The following CORO2A variants were observed in gnomAD, a reference collection of about 807,000 sequenced individuals.
CORO2A encodes coronin 2A.
CORO2A carries 47 observed loss-of-function variants against 62.4 expected under a neutral mutation model. That is an observed-to-expected ratio of 0.75 (90% CI 0.60 to 0.96). CORO2A has a LOEUF of 0.96. CORO2A is among the 40% of genes least tolerant of loss of function. The probability of loss-of-function intolerance (pLI) is 0.00; values close to 1 mark genes in which losing one functional copy is unlikely to be tolerated. For missense variants in CORO2A, 610 were observed against 684.1 expected (o/e 0.89, Z 1.21); for synonymous variants, 273 against 268.9 (o/e 1.02, Z -0.15).
intron 4 of CORO2A, among the ~76,000 whole-genome samples, chr9:98,133,653 A>G (rs1026338321): frequency 6.6e-6 from 1 of 152,214 alleles, no homozygotes; most frequent in Non-Finnish European, 1.5e-5. Flanking sequence ...GTATAGAACA[A>G]CCAGCACAAA....
chr9:98,167,103 C>CAAA (rs35581733), intron 1 of CORO2A, among the ~76,000 whole-genome samples: 11,423 of 98,560 alleles, frequency 0.12, 689 homozygotes, highest in East Asian at 0.33. Context: ...GATCCTGTCT[C>CAAA]AAAAAAAAAA....
At chr9:98,180,699 C>A (rs982428081) in intron 1 of CORO2A, among the ~76,000 whole-genome samples, 2 of 152,132 alleles carry the variant, frequency 1.3e-5, no homozygotes, top group African/African-American at 4.8e-5. Context: ...CTGACCGCAC[C>A]CTCCCCACCT....
At chr9:98,147,984 T>C (rs978699580) in intron 2 of CORO2A, among the ~76,000 whole-genome samples, 1 of 151,922 alleles carries the variant, frequency 6.6e-6, no homozygotes, top group African/African-American at 2.4e-5. Flanking sequence ...TGGTGGCTCA[T>C]GCCTGTAATC....
At chr9:98,147,693 C>T (rs1340532651) in intron 2 of CORO2A, among the ~76,000 whole-genome samples, 1 of 152,136 alleles carries the variant, frequency 6.6e-6, no homozygotes, top group Non-Finnish European at 1.5e-5. Flanking sequence ...TTTACTTACA[C>T]TAAAAATTTG....
Position 98,157,566 on chromosome 9 carries a change from G to A in CORO2A, c.95C>T (p.Thr32Ile), listed in dbSNP as rs1357953017. The change falls in exon 2 of 12, where the codon ACC becomes ATC. Residue 32 changes from threonine to isoleucine, a missense_variant. Coordinates refer to ENST00000375077, the MANE Select transcript of CORO2A (RefSeq NM_052820.4). Reference protein sequence around the residue: ...KENCYDSVPITRSVHDNHFCA... With the variant: ...KENCYDSVPIIRSVHDNHFCA... The stretch of plus-strand genomic sequence containing the variant: ...GAAGTGGTTGTCGTGAACGCTGCGG[G>A]TGATAGGCACGGAGTCGTAGCAGTT... 2 of 1,614,206 alleles carry A rather than the reference G, an allele frequency of 1.2e-6. No homozygotes were observed. Among genetic ancestry groups the A allele is most frequent in the Non-Finnish European group, 8.5e-7 (1 of 1,180,038 alleles).
intron 2 of CORO2A, among the ~76,000 whole-genome samples, chr9:98,145,522 G>T (rs1007812221): frequency 3.3e-5 from 5 of 152,174 alleles, no homozygotes; most frequent in African/African-American, 1.2e-4. Flanking sequence ...AGGGCAATTT[G>T]TATGGAGGGA....
chr9:98,176,503 C>T (rs1828110627), intron 1 of CORO2A, among the ~76,000 whole-genome samples: 2 of 152,206 alleles, frequency 1.3e-5, no homozygotes, highest in African/African-American at 4.8e-5. Context: ...CCTACCTGTT[C>T]CTGGAGCCCC....
chr9:98,152,321 G>A (rs1014881053), intron 2 of CORO2A, among the ~76,000 whole-genome samples: 3 of 151,876 alleles, frequency 2.0e-5, no homozygotes, highest in Non-Finnish European at 4.4e-5. Context: ...ACAGGGTGTC[G>A]CTTTGTCACC....
intron 2 of CORO2A, among the ~76,000 whole-genome samples, chr9:98,146,217 C>A (rs376884560): frequency 6.6e-6 from 1 of 152,188 alleles, no homozygotes; most frequent in African/African-American, 2.4e-5. Flanking sequence ...AGTCCACCTT[C>A]TTCACCCCCT....
chr9:98,130,512 TC>T (rs1346123376), intron 7 of CORO2A, among the ~76,000 whole-genome samples: 1 of 152,188 alleles, frequency 6.6e-6, no homozygotes, highest in African/African-American at 2.4e-5. Flanking sequence ...GCAGCAAAAG[TC>T]AGAACTGGGG....
intron 2 of CORO2A, among the ~76,000 whole-genome samples, chr9:98,156,649 C>T (rs893670539): frequency 2.6e-5 from 4 of 152,280 alleles, no homozygotes; most frequent in East Asian, 3.9e-4. Context: ...TTCTAATCTG[C>T]GTGATCTTTT....
At chr9:98,132,391 C>CCAGGTGGAGCGGTGGCATAA in intron 5 of CORO2A, 90 bp from the exon 6 acceptor site, 1 of 1,034,482 alleles carries the variant, frequency 9.7e-7, no homozygotes, top group Non-Finnish European at 1.5e-6. Context: ...CTTATGCCAC[C>CCAGGTGGAGCGGTGGCATAA]GCTCCACCTG....
chr9:98,126,092 G>C (rs13288246), intron 11 of CORO2A, among the ~76,000 whole-genome samples: 1 of 145,552 alleles, frequency 6.9e-6, no homozygotes, highest in African/African-American at 2.6e-5. Flanking sequence ...CTGGAGTGCA[G>C]TGGTGTGATC....
chr9:98,168,736 T>C (rs185967271), intron 1 of CORO2A, among the ~76,000 whole-genome samples: 1 of 152,344 alleles, frequency 6.6e-6, no homozygotes, highest in Admixed American at 6.5e-5. Flanking sequence ...ACAACAGGTA[T>C]ATGCTGGGAG....
intron 1 of CORO2A, among the ~76,000 whole-genome samples, chr9:98,185,221 G>A (rs926962551): frequency 7.2e-5 from 11 of 152,136 alleles, no homozygotes; most frequent in Non-Finnish European, 1.5e-4. Context: ...ACAGCTCCTG[G>A]GCTTCCCTAT....
At chr9:98,126,155 C>A (rs1238630923) in intron 11 of CORO2A, among the ~76,000 whole-genome samples, 3 of 151,898 alleles carry the variant, frequency 2.0e-5, no homozygotes, top group African/African-American at 7.3e-5. Context: ...CCTGCCTCAA[C>A]CTCTCAAGTA....
chr9:98,137,680 C>T lies in CORO2A; in HGVS notation c.210G>A (p.Lys70=), dbSNP rs2118824707. 6.2e-7 allele frequency: 1 copy of T among 1,613,968 alleles called. No homozygotes were observed. Among genetic ancestry groups the T allele is most frequent in the Admixed American group, 1.7e-5 (1 of 60,022 alleles). The part of the protein sequence containing the change: ...FLVIPLHQTG[K]LDPHYPKVCG... ...AGACTTTTGGGTAGTGGGGGTCCAA[C>T]TTCCCTGTCTGCAAGACAGTGCCCA... Residue 70 remains lysine (K), a synonymous_variant, in exon 3 of 12, where the codon AAG becomes AAA. Transcript: ENST00000375077.
Position 98,178,877 on chromosome 9 carries a change from C to T in CORO2A, c.-1+13682G>A, listed in dbSNP as rs564229015. Among the ~76,000 whole-genome samples the T allele has an allele frequency of 1.2e-4, 18 of 152,256 alleles. No homozygotes were observed. In the South Asian group the frequency reaches 3.3e-3, roughly 28 times the overall value. ...GGATGGCAGAAATGATCTAGTCTAC[C>T]CTTCACTTTGCAGGTGAGGAAACAA... On this transcript the variant is annotated intron_variant, in intron 1 of 11. Transcript: ENST00000375077.
intron 10 of CORO2A, 70 bp downstream of exon 10, chr9:98,128,100 A>G: frequency 1.5e-6 from 2 of 1,308,018 alleles, no homozygotes; most frequent in Non-Finnish European, 2.2e-6. Flanking sequence ...ACCCCTCTCA[A>G]TTGCTTGGGG....
Sources: gnomAD v4.1 joint callset for allele counts (sites outside exome capture counted in the v4.1 genomes callset) on GRCh38, gnomAD v4.1.1 for gene constraint, MANE v1.5 for transcripts, NCBI Gene and HGNC (gene_info 2026-07-23, HGNC 2026-07-21) for gene names.